The following RHBDD1 variants were observed in gnomAD, a reference collection of about 807,000 sequenced individuals.
RHBDD1 encodes the protein rhomboid domain containing 1, also known as rhomboid-related protein 4.
Under a neutral mutation model 36.3 loss-of-function variants are expected in RHBDD1, and 38 were observed. The ratio of observed to expected loss-of-function variants is 1.05; its 90% confidence interval spans 0.81 to 1.37. The LOEUF (loss-of-function observed/expected upper bound fraction) is 1.37. RHBDD1 is among the 40% of genes most tolerant of loss of function. RHBDD1 has a pLI of 0.00. For synonymous variants in RHBDD1, 151 were observed against 136.5 expected, an observed-to-expected ratio of 1.11 and a Z score of -0.74; for missense variants, 393 against 377.6, an observed-to-expected ratio of 1.04 and a Z score of -0.34.
At chr2:226,898,445 A>G (rs1947312804) in intron 5 of RHBDD1, among the ~76,000 whole-genome samples, 1 of 152,174 alleles carries the variant, frequency 6.6e-6, no homozygotes, top group Non-Finnish European at 1.5e-5. Flanking sequence ...TGTTTAATAA[A>G]TCATCATGGA....
chr2:226,914,354 A>C lies in RHBDD1; in HGVS notation c.856+3A>C, dbSNP rs763853236. 6.2e-7 allele frequency: 1 copy of C among 1,612,750 alleles called. No homozygotes were observed. Among genetic ancestry groups the C allele is most frequent in the South Asian group, 1.1e-5 (1 of 90,886 alleles). ...ACAAGCCAGCCTCTGGGACCGAGGT[A>C]GGAGTCTTGCGCCCTTCAGTTATTT... On this transcript the variant is annotated splice_donor_region_variant and intron_variant, in intron 8 of 8. Coordinates refer to ENST00000392062, the MANE Select transcript of RHBDD1 (RefSeq NM_001167608.3).
At chr2:226,959,191 T>G (rs1043176171) in intron 8 of RHBDD1, among the ~76,000 whole-genome samples, 33 of 152,282 alleles carry the variant, frequency 2.2e-4, no homozygotes, top group African/African-American at 7.7e-4. Context: ...AATGATACCT[T>G]CTTTTTGTAA....
chr2:226,912,496 A>AT (rs1246932457), intron 7 of RHBDD1, among the ~76,000 whole-genome samples: 2 of 152,174 alleles, frequency 1.3e-5, no homozygotes, highest in African/African-American at 4.8e-5. Flanking sequence ...ATGTGGTATA[A>AT]GCCATACAGT....
intron 8 of RHBDD1, among the ~76,000 whole-genome samples, chr2:226,916,550 A>G (rs1032534558): frequency 6.6e-6 from 1 of 152,218 alleles, no homozygotes; most frequent in Non-Finnish European, 1.5e-5. Flanking sequence ...CTGACTTCAA[A>G]TAAAGTCAAA....
chr2:226,995,346 A>G (rs1227848572), intron 8 of RHBDD1, 85 bp from the exon 9 acceptor site: 9 of 802,732 alleles, frequency 1.1e-5, no homozygotes, highest in East Asian at 2.5e-5. Flanking sequence ...CACCCAAGCT[A>G]TCACTTTGTT....
chr2:226,819,236 C>T, the RHBDD1 span, among the ~76,000 whole-genome samples: 1 of 152,214 alleles, frequency 6.6e-6, no homozygotes, highest in Non-Finnish European at 1.5e-5. Flanking sequence ...ACATACTATG[C>T]TCCTGGGCAG....
chr2:226,878,719 C>A (rs564457322), intron 5 of RHBDD1, among the ~76,000 whole-genome samples: 14 of 152,272 alleles, frequency 9.2e-5, no homozygotes, highest in African/African-American at 3.1e-4. Context: ...CCCGTGTGCT[C>A]CTTCTGAATT....
At chr2:226,857,906 T>C (rs1290201623) in intron 3 of RHBDD1, among the ~76,000 whole-genome samples, 1 of 152,144 alleles carries the variant, frequency 6.6e-6, no homozygotes, top group South Asian at 2.1e-4. Context: ...CTCCTTAAGA[T>C]TGAATTTTAT....
At chr2:226,811,309 T>G in the RHBDD1 span, among the ~76,000 whole-genome samples, 1 of 151,798 alleles carries the variant, frequency 6.6e-6, no homozygotes, top group African/African-American at 2.4e-5. Context: ...TTTTTATTTT[T>G]CTGTTTTTTT....
At chr2:226,959,659 T>TA (rs1952036624) in intron 8 of RHBDD1, among the ~76,000 whole-genome samples, 1 of 152,238 alleles carries the variant, frequency 6.6e-6, no homozygotes, top group Admixed American at 6.5e-5. Context: ...ATTCACCTGA[T>TA]AAACATTTGG....
the RHBDD1 span, among the ~76,000 whole-genome samples, chr2:226,801,631 G>A: frequency 1.3e-5 from 2 of 152,096 alleles, no homozygotes; most frequent in Non-Finnish European, 2.9e-5. Context: ...TGACAGCTTG[G>A]TGATGTGGGC....
intron 8 of RHBDD1, among the ~76,000 whole-genome samples, chr2:226,946,455 G>T (rs919798077): frequency 6.6e-6 from 1 of 152,054 alleles, no homozygotes; most frequent in Non-Finnish European, 1.5e-5. Context: ...TAGCCTTGTA[G>T]TGTAGTTTGA....
chr2:226,838,408 T>G (rs1941234147), intron 2 of RHBDD1, among the ~76,000 whole-genome samples: 1 of 152,238 alleles, frequency 6.6e-6, no homozygotes, highest in South Asian at 2.1e-4. Context: ...ATCTGTGGTT[T>G]TAGGTCAGAC....
chr2:226,839,607 G>T lies in RHBDD1; in HGVS notation c.-111G>T, dbSNP rs923528531. 6.6e-6 allele frequency: 1 copy of T among 152,082 alleles called. No individual in the cohort carries two copies. Among genetic ancestry groups the T allele is most frequent in the Non-Finnish European group, 1.5e-5 (1 of 68,022 alleles). The allele number at this position is 152,082 out of a possible 1,614,324, so 9.4% of individuals were successfully genotyped here. ...TCAGGGCATGAGCTATACCTAAAAC[G>T]TAATGGTATTAAGAATTCTGGTAAG... On this transcript the variant is annotated 5_prime_UTR_variant, in exon 3 of 9. Transcript: ENST00000392062.
At chr2:226,910,436 A>C (rs1948438965) in intron 7 of RHBDD1, among the ~76,000 whole-genome samples, 1 of 152,198 alleles carries the variant, frequency 6.6e-6, no homozygotes, top group Non-Finnish European at 1.5e-5. Context: ...GCATATGTAT[A>C]TCTTACAAGT....
the RHBDD1 span, among the ~76,000 whole-genome samples, chr2:226,801,744 A>G: frequency 6.6e-6 from 1 of 152,270 alleles, no homozygotes; most frequent in Non-Finnish European, 1.5e-5. Context: ...AGTGCCTTAC[A>G]GGGGGTAGGG....
At chr2:226,981,807 C>T (rs1267479242) in intron 8 of RHBDD1, among the ~76,000 whole-genome samples, 1 of 152,222 alleles carries the variant, frequency 6.6e-6, no homozygotes, top group Non-Finnish European at 1.5e-5. Context: ...CTCTGACCCA[C>T]ATAAGAATTT....
the RHBDD1 span, among the ~76,000 whole-genome samples, chr2:226,801,511 G>C: frequency 6.6e-6 from 1 of 152,152 alleles, no homozygotes; most frequent in Non-Finnish European, 1.5e-5. Flanking sequence ...GGAGCCTCTC[G>C]TTTCTCCTCT....
intron 5 of RHBDD1, among the ~76,000 whole-genome samples, chr2:226,878,838 T>C (rs892021286): frequency 9.9e-5 from 15 of 151,986 alleles, no homozygotes; most frequent in African/African-American, 3.4e-4. Context: ...TGAATGAATA[T>C]AGGAAAAGTA....
Sources: gnomAD v4.1 joint callset for allele counts (sites outside exome capture counted in the v4.1 genomes callset) on GRCh38, gnomAD v4.1.1 for gene constraint, MANE v1.5 for transcripts, NCBI Gene and HGNC (gene_info 2026-07-23, HGNC 2026-07-21) for gene names.